BCAT1: variants seen among roughly 807,000 people sequenced by gnomAD.
BCAT1 encodes branched chain amino acid transaminase 1.
BCAT1 carries 48 observed loss-of-function variants against 52.4 expected under a neutral mutation model. The ratio of observed to expected loss-of-function variants is 0.92; its 90% confidence interval spans 0.73 to 1.16. BCAT1 has a LOEUF of 1.16. Ranked by LOEUF, BCAT1 falls within the 50% of genes most tolerant of loss-of-function variation. The pLI is 0.00. For synonymous variants in BCAT1, 167 were observed against 161.3 expected (o/e 1.04, Z -0.27); for missense variants, 451 against 457.1 (o/e 0.99, Z 0.12).
intron 1 of BCAT1, among the ~76,000 whole-genome samples, chr12:24,910,876 G>A (rs923625913): frequency 1.4e-4 from 21 of 152,234 alleles, no homozygotes; most frequent in Admixed American, 6.5e-4. Flanking sequence ...AGGCCAAGGC[G>A]GCCGATCACC....
Position 24,814,675 on chromosome 12 carries a change from G to A in BCAT1, c.*3333C>T, listed in dbSNP as rs1427630303. 4 of 151,976 alleles carry A rather than the reference G, an allele frequency of 2.6e-5. No homozygotes were observed. Among genetic ancestry groups the A allele is most frequent in the Non-Finnish European group, 4.4e-5 (3 of 67,988 alleles). 9.4% of individuals were successfully genotyped at this position (151,976 alleles called of 1,614,324 possible). ...TTTTATGAAGCAACAAAACTAATAT[G>A]GTGAAGAATTTTAACCCAAGGTGTA... On this transcript the variant is annotated 3_prime_UTR_variant, in exon 11 of 11. Transcript: ENST00000261192.
chr12:24,917,756 G>A (rs1203950600), intron 1 of BCAT1, among the ~76,000 whole-genome samples: 1 of 152,110 alleles, frequency 6.6e-6, no homozygotes, highest in Non-Finnish European at 1.5e-5. Flanking sequence ...TTAATTGAAG[G>A]CAGAAGTCAG....
intron 1 of BCAT1, chr12:24,902,803 G>T: frequency 8.4e-7 from 1 of 1,191,708 alleles, no homozygotes; most frequent in South Asian, 1.5e-5. Flanking sequence ...GGGAAGGGAA[G>T]ACGCCTCGCT....
intron 1 of BCAT1, among the ~76,000 whole-genome samples, chr12:24,942,867 T>C (rs1020971265): frequency 2.6e-5 from 4 of 152,244 alleles, no homozygotes; most frequent in African/African-American, 9.6e-5. Flanking sequence ...TAGATCTTGA[T>C]GGGATGAAAC....
At chr12:24,935,252 C>A (rs1943735164) in intron 1 of BCAT1, among the ~76,000 whole-genome samples, 1 of 152,110 alleles carries the variant, frequency 6.6e-6, no homozygotes, top group South Asian at 2.1e-4. Flanking sequence ...ATCCAGCACG[C>A]AAAATGCAGA....
chr12:24,879,859 C>T (rs1172040160), intron 4 of BCAT1, among the ~76,000 whole-genome samples: 1 of 152,190 alleles, frequency 6.6e-6, no homozygotes, highest in Non-Finnish European at 1.5e-5. Context: ...GCTGTGATTA[C>T]ACAGATAAGG....
chr12:24,901,444 TAG>T lies in BCAT1; in HGVS notation c.78+368_78+369del, dbSNP rs148494080. ...AGAAGAAAATGCAACACTTTCACTG[TAG>T]AGTGTTATGTGCTACTGAAAGAGAA... On this transcript the variant is annotated intron_variant, in intron 2 of 10. Coordinates refer to ENST00000261192, the MANE Select transcript of BCAT1 (RefSeq NM_005504.7). 2.5e-3 allele frequency among the ~76,000 whole-genome samples: 376 copies of T among 152,366 alleles called. 3 individuals carry two copies. The highest frequency in any genetic ancestry group is 0.02 in the Middle Eastern group (6 of 294).
At chr12:24,907,688 T>G (rs1024427054) in intron 1 of BCAT1, among the ~76,000 whole-genome samples, 1 of 152,206 alleles carries the variant, frequency 6.6e-6, no homozygotes, top group African/African-American at 2.4e-5. Flanking sequence ...TACTTTGTAA[T>G]ATCCTTCCCT....
At chr12:24,942,895 C>T (rs1473468003) in intron 1 of BCAT1, among the ~76,000 whole-genome samples, 4 of 152,230 alleles carry the variant, frequency 2.6e-5, no homozygotes, top group South Asian at 2.1e-4. Context: ...AAAGTGATAA[C>T]TTATGTGCTG....
intron 1 of BCAT1, among the ~76,000 whole-genome samples, chr12:24,921,077 A>G (rs570655095): frequency 6.6e-6 from 1 of 152,090 alleles, no homozygotes; most frequent in African/African-American, 2.4e-5. Flanking sequence ...CAGGAGGCTC[A>G]CGGGAAGGTA....
At chr12:24,885,700 A>G (rs1942643531) in intron 3 of BCAT1, among the ~76,000 whole-genome samples, 1 of 152,228 alleles carries the variant, frequency 6.6e-6, no homozygotes, top group South Asian at 2.1e-4. Context: ...TATGCAGACA[A>G]GTAAAACAAC....
At chr12:24,836,965 GAA>G (rs1232612085) in intron 7 of BCAT1, among the ~76,000 whole-genome samples, 2 of 122,606 alleles carry the variant, frequency 1.6e-5, no homozygotes, top group Admixed American at 8.5e-5. Flanking sequence ...AAAAGAGAAA[GAA>G]AGAAAGAGAG....
chr12:24,894,160 C>G lies in BCAT1; in HGVS notation c.279+115G>C, dbSNP rs181348069. 8,532 of 985,368 alleles carry G rather than the reference C, an allele frequency of 8.7e-3. 42 individuals carry two copies. The highest frequency in any genetic ancestry group is 0.011 in the Non-Finnish European group (7,391 of 691,050). The allele number at this position is 985,368 out of a possible 1,614,324, so 61.0% of individuals were successfully genotyped here. A position where few individuals can be genotyped will look rare whatever the true frequency, so the allele number is the denominator to read the frequency against. The stretch of plus-strand genomic sequence containing the variant: ...AACTTTTAAAGACATTTTCGGCTTC[C>G]TCTGGTAAATATGATAAAGCCCATA... On this transcript the variant is annotated intron_variant, in intron 3 of 10. Transcript: ENST00000261192.
At chr12:24,922,514 A>G (rs1194725730) in intron 1 of BCAT1, among the ~76,000 whole-genome samples, 1 of 152,232 alleles carries the variant, frequency 6.6e-6, no homozygotes, top group Non-Finnish European at 1.5e-5. Flanking sequence ...GAAAATTGGA[A>G]GCAGTTTGGT....
intron 1 of BCAT1, among the ~76,000 whole-genome samples, chr12:24,911,879 G>T (rs191592562): frequency 6.6e-6 from 1 of 152,198 alleles, no homozygotes; most frequent in African/African-American, 2.4e-5. Flanking sequence ...TTCCTGTGTG[G>T]AAAACAATTA....
chr12:24,834,744 T>C (rs1489863032), intron 8 of BCAT1: 2 of 1,139,512 alleles, frequency 1.8e-6, no homozygotes, highest in Non-Finnish European at 2.2e-6. Flanking sequence ...AATTATGTTG[T>C]TCAAAAGTAA....
rs1025051861 is a variant in BCAT1, at chr12:24,816,941, G to A, written c.*1067C>T. 3 of 203,820 alleles carry A rather than the reference G, an allele frequency of 1.5e-5. No individual in the cohort carries two copies. The highest frequency in any genetic ancestry group is 2.9e-5 in the Non-Finnish European group (3 of 102,802). 12.6% of individuals were successfully genotyped at this position (203,820 alleles called of 1,614,324 possible). ...GAGTTCAGGTGGTAATTCGAGTGAT[G>A]GGAAGTAGCCATAAATACAGATGAA... On this transcript the variant is annotated 3_prime_UTR_variant, in exon 11 of 11. Transcript: ENST00000261192.
chr12:24,943,844 C>T (rs146571725), intron 1 of BCAT1, among the ~76,000 whole-genome samples: 29 of 151,878 alleles, frequency 1.9e-4, no homozygotes, highest in Non-Finnish European at 2.9e-4. Flanking sequence ...ATTAGCCGGG[C>T]GTGGTGGCGG....
chr12:24,817,385 A>T lies in BCAT1; in HGVS notation c.*623T>A. On this transcript the variant is annotated 3_prime_UTR_variant, in exon 11 of 11. Transcript: ENST00000261192. The stretch of plus-strand genomic sequence containing the variant: ...CCTGACAGCCAGCCAGCTACAACAT[A>T]ATGTGGAAAGGACAATGGTGGGAAA... 6.5e-6 allele frequency: 1 copy of T among 152,894 alleles called. No homozygotes were observed. 9.5% of individuals were successfully genotyped at this position (152,894 alleles called of 1,614,324 possible). A position where few individuals can be genotyped will look rare whatever the true frequency, so the allele number is the denominator to read the frequency against.
Sources: gnomAD v4.1 joint callset for allele counts (sites outside exome capture counted in the v4.1 genomes callset) on GRCh38, gnomAD v4.1.1 for gene constraint, MANE v1.5 for transcripts, NCBI Gene and HGNC (gene_info 2026-07-23, HGNC 2026-07-21) for gene names.